Variants in UBXN2B observed in about 807,000 individuals in gnomAD.
The protein encoded by UBXN2B is UBX domain protein 2B, also known as UBX domain-containing protein 2B.
Under a neutral mutation model 37.5 loss-of-function variants are expected in UBXN2B, and 19 were observed. The ratio of observed to expected loss-of-function variants is 0.51; its 90% CI spans 0.35 to 0.74. The LOEUF (loss-of-function observed/expected upper bound fraction) is 0.74. Among genes scored for constraint, UBXN2B ranks in the 30% least tolerant of loss-of-function variants. The probability of loss-of-function intolerance (pLI) is 0.01; values close to 1 mark genes in which losing one functional copy is unlikely to be tolerated. For synonymous variants in UBXN2B, 145 were observed against 143.8 expected, an observed-to-expected ratio of 1.01 and a Z score of -0.06; for missense variants, 370 against 393.2, an observed-to-expected ratio of 0.94 and a Z score of 0.50.
At chr8:58,411,880 A>G (rs970118734) in intron 1 of UBXN2B, among the ~76,000 whole-genome samples, 2 of 152,106 alleles carry the variant, frequency 1.3e-5, no homozygotes, top group African/African-American at 4.8e-5. Context: ...CTTGGATGCT[A>G]TTTCTGACTT....
Position 58,445,240 on chromosome 8 carries a change from C to T in UBXN2B, c.672-667C>T, listed in dbSNP as rs531714157. Among the ~76,000 whole-genome samples the T allele has an allele frequency of 2.6e-3, 400 of 152,118 alleles. 3 individuals carry two copies. Among genetic ancestry groups the T allele is most frequent in the Middle Eastern group, 6.3e-3 (2 of 316 alleles). ...TGCCAGGGTCACTAGTAACCAAGTT[C>T]TAATGGTAAGATATTCTATCAAGCT... On this transcript the variant is annotated intron_variant, in intron 6 of 7. Coordinates refer to ENST00000399598, the MANE Select transcript of UBXN2B (RefSeq NM_001077619.2).
chr8:58,442,279 A>G (rs1349083546), intron 6 of UBXN2B, among the ~76,000 whole-genome samples: 1 of 152,212 alleles, frequency 6.6e-6, no homozygotes, highest in Non-Finnish European at 1.5e-5. Flanking sequence ...ACAAACCCAA[A>G]TGTTGAATAA....
chr8:58,448,054 A>G lies in UBXN2B; in HGVS notation c.*503A>G, dbSNP rs1318196913. Reference sequence around the variant, plus strand: ...TATTTCTCCTATTAAGATTTTACACATCCTTTTTACTTACTGATTTAGATA... The same window carrying G: ...TATTTCTCCTATTAAGATTTTACACGTCCTTTTTACTTACTGATTTAGATA... On this transcript the variant is annotated 3_prime_UTR_variant, in exon 8 of 8. Transcript: ENST00000399598. 6.6e-6 allele frequency: 1 copy of G among 152,220 alleles called. No individual in the cohort carries two copies. Among genetic ancestry groups the G allele is most frequent in the African/African-American group, 2.4e-5 (1 of 41,424 alleles). The allele number at this position is 152,220 out of a possible 1,614,324, so 9.4% of individuals were successfully genotyped here. A position where few individuals can be genotyped will look rare whatever the true frequency, so the allele number is the denominator to read the frequency against.
At chr8:58,441,365 A>ATATATATATATATATATATATATG (rs1563467250) in intron 6 of UBXN2B, among the ~76,000 whole-genome samples, 1 of 145,594 alleles carries the variant, frequency 6.9e-6, no homozygotes, top group African/African-American at 2.6e-5. Flanking sequence ...ATATATATAT[A>ATATATATATATATATATATATATG]TATGTATGTG....
At chr8:58,429,169 G>A (rs1023475228) in intron 2 of UBXN2B, among the ~76,000 whole-genome samples, 2 of 152,172 alleles carry the variant, frequency 1.3e-5, no homozygotes, top group East Asian at 3.8e-4. Context: ...TATTCACTTT[G>A]CCAGATTAGA....
chr8:58,439,256 A>G (rs897571210), intron 5 of UBXN2B, among the ~76,000 whole-genome samples: 14 of 152,326 alleles, frequency 9.2e-5, no homozygotes, highest in African/African-American at 3.1e-4. Context: ...AAAAACACCC[A>G]TATCAATTTT....
chr8:58,433,398 G>A (rs997300893), intron 4 of UBXN2B, among the ~76,000 whole-genome samples, 155 bp downstream of exon 4: 4 of 152,038 alleles, frequency 2.6e-5, no homozygotes, highest in South Asian at 4.1e-4. Context: ...TTTCAGTCTC[G>A]ATCTTTATGT....
chr8:58,445,110 T>C (rs532823413), intron 6 of UBXN2B, among the ~76,000 whole-genome samples: 1 of 152,322 alleles, frequency 6.6e-6, no homozygotes, highest in South Asian at 2.1e-4. Context: ...GAGCTAAATT[T>C]ATTTGAATTA....
intron 1 of UBXN2B, 111 bp downstream of exon 1, chr8:58,411,580 C>G (rs1807638447): frequency 5.5e-6 from 5 of 916,012 alleles, no homozygotes; most frequent in Non-Finnish European, 7.2e-6. Flanking sequence ...TTTCCCCGAC[C>G]CCGTCTGGGG....
At chr8:58,415,625 T>C (rs1200267535) in intron 1 of UBXN2B, among the ~76,000 whole-genome samples, 1 of 152,108 alleles carries the variant, frequency 6.6e-6, no homozygotes, top group Non-Finnish European at 1.5e-5. Context: ...GTGCTTTCCA[T>C]ACATTATTTA....
Position 58,446,207 on chromosome 8 carries a change from A to G in UBXN2B, c.833+139A>G, listed in dbSNP as rs527751273. The G allele has an allele frequency of 3.1e-5, 27 of 872,600 alleles. No homozygotes were observed. In the East Asian group the frequency reaches 6.9e-4, roughly 22 times the overall value. The allele number at this position is 872,600 out of a possible 1,614,324, so 54.1% of individuals were successfully genotyped here. On this transcript the variant is annotated intron_variant, in intron 7 of 7. Transcript: ENST00000399598. ...TTTTGAAGTAAGTTTTTGACAGAAG[A>G]AACATTTTTAAAAGGACAATAGCTG...
At position 58,426,670 on chromosome 8, in the gene UBXN2B, A is replaced by G. The variant is rs746631544; in HGVS notation, c.189-3849A>G. 3.7e-4 allele frequency: 275 copies of G among 733,768 alleles called. 1 individual carries two copies. The highest frequency in any genetic ancestry group is 5.9e-4 in the Admixed American group (34 of 57,568). The allele number at this position is 733,768 out of a possible 1,614,324, so 45.5% of individuals were successfully genotyped here. A position where few individuals can be genotyped will look rare whatever the true frequency, so the allele number is the denominator to read the frequency against. ...ACCCCAGTGATATTTGGGTGAAACC[A>G]TCTCTACAATGTCATGTTCCTCCCA... On this transcript the variant is annotated intron_variant, in intron 2 of 7. Transcript: ENST00000399598.
Position 58,425,439 on chromosome 8 carries a change from CATG to C in UBXN2B, c.189-5074_189-5072del, listed in dbSNP as rs562797692. Reference sequence around the variant, plus strand: ...TGTTACACTTGGTTTCAAATTTGGGCATGATGATATTTGCATTGATGTCATCTG... The same window carrying C: ...TGTTACACTTGGTTTCAAATTTGGGCATGATATTTGCATTGATGTCATCTG... On this transcript the variant is annotated intron_variant, in intron 2 of 7. Transcript: ENST00000399598. The C allele has an allele frequency of 1.4e-4, 156 of 1,135,784 alleles. No homozygotes were observed. In the African/African-American group the frequency reaches 2.1e-3, roughly 15 times the overall value. 70.4% of individuals were successfully genotyped at this position (1,135,784 alleles called of 1,614,324 possible). A position where few individuals can be genotyped will look rare whatever the true frequency, so the allele number is the denominator to read the frequency against.
chr8:58,423,331 G>A (rs1489590945), intron 2 of UBXN2B, among the ~76,000 whole-genome samples: 2 of 152,090 alleles, frequency 1.3e-5, no homozygotes, highest in Non-Finnish European at 2.9e-5. Flanking sequence ...CAGTCTCTCC[G>A]CCAACCTGCT....
chr8:58,431,480 T>C (rs967575583), intron 3 of UBXN2B, among the ~76,000 whole-genome samples: 3 of 152,234 alleles, frequency 2.0e-5, no homozygotes, highest in Admixed American at 2.0e-4. Flanking sequence ...TATTGAGGGA[T>C]ATTTTAGTTG....
At position 58,425,628 on chromosome 8, in the gene UBXN2B, C is replaced by T. The variant is rs746753870; in HGVS notation, c.189-4891C>T. The T allele has an allele frequency of 7.8e-5, 88 of 1,130,986 alleles. 1 individual carries two copies. In the East Asian group the frequency reaches 9.9e-4, roughly 13 times the overall value. 70.1% of individuals were successfully genotyped at this position (1,130,986 alleles called of 1,614,324 possible). A position where few individuals can be genotyped will look rare whatever the true frequency, so the allele number is the denominator to read the frequency against. ...GTTGTTGTAGTGTCTCAAATTCTTCCGAAAAGCCTTGTTTGACTTTATTGT... is the reference window on the plus strand; with the variant it reads ...GTTGTTGTAGTGTCTCAAATTCTTCTGAAAAGCCTTGTTTGACTTTATTGT... On this transcript the variant is annotated intron_variant, in intron 2 of 7. Coordinates refer to ENST00000399598, the MANE Select transcript of UBXN2B (RefSeq NM_001077619.2).
intron 4 of UBXN2B, 126 bp downstream of exon 4, chr8:58,433,369 G>A: frequency 1.5e-6 from 1 of 680,142 alleles, no homozygotes; most frequent in Non-Finnish European, 2.4e-6. Flanking sequence ...TGGGTTAAAA[G>A]GACCAATGAT....
At chr8:58,443,832 T>A (rs1808609525) in intron 6 of UBXN2B, among the ~76,000 whole-genome samples, 1 of 151,864 alleles carries the variant, frequency 6.6e-6, no homozygotes, top group African/African-American at 2.4e-5. Flanking sequence ...ATAAAATAAA[T>A]TAATTAACAT....
rs755216374 is a variant in UBXN2B, at chr8:58,449,428, C to T, written c.*1877C>T. On this transcript the variant is annotated 3_prime_UTR_variant, in exon 8 of 8. Transcript: ENST00000399598. ...ATCAACTCTAAATCCAAAATCTTAT[C>T]TGAGTCTCACCAACTCAAAAGTCTC... is the stretch of plus-strand genomic sequence containing the variant. 6.6e-6 allele frequency: 1 copy of T among 151,902 alleles called. No individual in the cohort carries two copies. The highest frequency in any genetic ancestry group is 3.4e-3 in the Middle Eastern group (1 of 292). 9.4% of individuals were successfully genotyped at this position (151,902 alleles called of 1,614,324 possible). A position where few individuals can be genotyped will look rare whatever the true frequency, so the allele number is the denominator to read the frequency against.
Sources: allele counts gnomAD v4.1 joint callset (sites outside exome capture counted in the v4.1 genomes callset), GRCh38; gene constraint gnomAD v4.1.1; transcripts MANE v1.5; gene names NCBI Gene and HGNC (gene_info 2026-07-23, HGNC 2026-07-21).